The following EXT1 variants were observed in gnomAD, a reference collection of about 807,000 sequenced individuals.
The protein encoded by EXT1 is exostosin glycosyltransferase 1, also known as exostosin-1.
In EXT1, 20 loss-of-function variants were observed where a neutral mutation model predicts 82.5. That is an observed-to-expected ratio of 0.24 (90% confidence interval 0.17 to 0.35). EXT1 has a LOEUF of 0.35. Among genes scored for constraint, EXT1 ranks in the 10% least tolerant of loss-of-function variants. The pLI, the probability that EXT1 is intolerant of heterozygous loss-of-function variation, is 1.00. For synonymous variants in EXT1, 348 were observed against 350.8 expected, an observed-to-expected ratio of 0.99 and a Z score of 0.09; for missense variants, 757 against 936.5, an observed-to-expected ratio of 0.81 and a Z score of 2.50.
intron 8 of EXT1, 84 bp downstream of exon 8, chr8:117,812,788 C>A (rs183882957): frequency 3.2e-6 from 4 of 1,245,590 alleles, no homozygotes; most frequent in Non-Finnish European, 4.7e-6. Context: ...TGCCAAGGCA[C>A]GGCTAAAAGA....
At chr8:118,060,020 C>G (rs1442044484) in intron 1 of EXT1, among the ~76,000 whole-genome samples, 1 of 152,154 alleles carries the variant, frequency 6.6e-6, no homozygotes, top group African/African-American at 2.4e-5. Flanking sequence ...CACACTGAAC[C>G]TCTAAAAATC....
chr8:117,806,491 AG>A (rs1295251117), intron 9 of EXT1, among the ~76,000 whole-genome samples: 6 of 152,214 alleles, frequency 3.9e-5, no homozygotes, highest in Admixed American at 1.3e-4. Context: ...ATGGACATCA[AG>A]GTCGTGCATC....
chr8:117,819,728 T>C lies in EXT1; in HGVS notation c.1484A>G (p.Gln495Arg). 1 of 1,613,224 alleles carries C rather than the reference T, an allele frequency of 6.2e-7. No individual in the cohort carries two copies. The highest frequency in any genetic ancestry group is 8.5e-7 in the Non-Finnish European group (1 of 1,180,032). The change falls in exon 6 of 11, where the codon CAG becomes CGG. Residue 495 changes from glutamine (Q) to arginine (R), a missense_variant. Gln to Arg is a conservative substitution (Grantham distance 43). Around this residue, in one of 4 missense-constraint regions of EXT1, gnomAD observed 207 missense variants for 224.2 expected, o/e 0.92. Transcript: ENST00000378204. ...AGCCACGAGAAGCTTCAACACTGGC[T>C]GGGACTGAGAGACCAGGGGGGTCAC... The part of the protein sequence containing the change: ...HAVTPLVSQS[Q>R]PVLKLLVAAA...
chr8:117,891,805 C>CTTTTTTTTTTTTT (rs33967253), intron 1 of EXT1, among the ~76,000 whole-genome samples: 1 of 121,074 alleles, frequency 8.3e-6, no homozygotes, highest in Non-Finnish European at 1.7e-5. Flanking sequence ...TTTTTTCTTG[C>CTTTTTTTTTTTTT]TTTTTTTTTT....
intron 1 of EXT1, among the ~76,000 whole-genome samples, chr8:118,022,558 G>A (rs1375997084): frequency 6.7e-6 from 1 of 149,986 alleles, no homozygotes; most frequent in Non-Finnish European, 1.5e-5. Flanking sequence ...GGCTGGTCTC[G>A]AACTCCTGAC....
chr8:118,110,734 C>G lies in EXT1; in HGVS notation c.313G>C (p.Asp105His), dbSNP rs2130044286. 1 of 1,614,126 alleles carries G rather than the reference C, an allele frequency of 6.2e-7. No individual in the cohort carries two copies. The highest frequency in any genetic ancestry group is 1.6e-4 in the Middle Eastern group (1 of 6,062). Residue 105 changes from aspartate to histidine, a missense_variant, in exon 1 of 11, where the codon GAT (aspartate) becomes CAT (histidine). Asp to His is a moderately conservative substitution (Grantham distance 81, BLOSUM62 -1). Transcript: ENST00000378204. ...CCGTTTTTCTTGCAAAGGGTGAAAT[C>G]GAAGCAGGACTCCATGCGGCACTTC... is the stretch of plus-strand genomic sequence containing the variant. Reference protein sequence around the residue: ...GKKCRMESCFDFTLCKKNGFK... With the variant: ...GKKCRMESCFHFTLCKKNGFK...
chr8:117,951,741 G>A (rs1563611142), intron 1 of EXT1, among the ~76,000 whole-genome samples: 1 of 152,126 alleles, frequency 6.6e-6, no homozygotes, highest in African/African-American at 2.4e-5. Flanking sequence ...AGGTCTATAA[G>A]CTACAACCCA....
chr8:117,882,284 T>A (rs550461583), intron 1 of EXT1, among the ~76,000 whole-genome samples: 1 of 152,136 alleles, frequency 6.6e-6, no homozygotes, highest in Non-Finnish European at 1.5e-5. Context: ...GGTTTTACCA[T>A]GTTGGCCAGG....
intron 1 of EXT1, among the ~76,000 whole-genome samples, chr8:117,844,275 C>CAGGTGGGA (rs1812319215): frequency 6.6e-6 from 1 of 151,944 alleles, no homozygotes; most frequent in African/African-American, 2.4e-5. Context: ...GTCTCAGCCT[C>CAGGTGGGA]CTGAGTAGGT....
At chr8:117,876,392 G>T (rs1812969754) in intron 1 of EXT1, among the ~76,000 whole-genome samples, 1 of 152,194 alleles carries the variant, frequency 6.6e-6, no homozygotes, top group Non-Finnish European at 1.5e-5. Flanking sequence ...ATTTATTTCA[G>T]AAACACCCAA....
At chr8:117,917,192 G>C (rs1407793348) in intron 1 of EXT1, among the ~76,000 whole-genome samples, 5 of 152,104 alleles carry the variant, frequency 3.3e-5, no homozygotes, top group Admixed American at 6.5e-5. Flanking sequence ...CCTTCATCCT[G>C]GCTGGGCGCT....
intron 1 of EXT1, among the ~76,000 whole-genome samples, chr8:117,979,841 G>A (rs1021058688): frequency 2.0e-5 from 3 of 152,210 alleles, no homozygotes; most frequent in Admixed American, 6.5e-5. Context: ...CCTTTAGTGA[G>A]TGACAGAGAA....
intron 1 of EXT1, among the ~76,000 whole-genome samples, chr8:118,055,032 C>G (rs1052544277): frequency 2.6e-5 from 4 of 151,942 alleles, no homozygotes; most frequent in African/African-American, 9.7e-5. Flanking sequence ...CATTGGTAAA[C>G]TGTATATTTT....
intron 1 of EXT1, among the ~76,000 whole-genome samples, chr8:117,950,156 G>A (rs183276599): frequency 2.0e-5 from 3 of 152,286 alleles, no homozygotes; most frequent in East Asian, 1.9e-4. Context: ...CATGAGAATC[G>A]CTTGAACTTG....
intron 1 of EXT1, among the ~76,000 whole-genome samples, chr8:118,108,757 GA>G (rs1307500624): frequency 6.6e-6 from 1 of 152,146 alleles, no homozygotes; most frequent in African/African-American, 2.4e-5. Flanking sequence ...CCTAGTGTCT[GA>G]AAAAATGCAC....
intron 1 of EXT1, among the ~76,000 whole-genome samples, chr8:117,932,165 TG>T (rs577783910): frequency 2.4e-4 from 37 of 152,240 alleles, no homozygotes; most frequent in African/African-American, 8.7e-4. Context: ...TTGAGGTTTT[TG>T]GGGGGGTGCT....
At chr8:118,077,099 C>T (rs1817227140) in intron 1 of EXT1, among the ~76,000 whole-genome samples, 1 of 152,040 alleles carries the variant, frequency 6.6e-6, no homozygotes. Flanking sequence ...ATAACATAAA[C>T]AAATGATTCT....
chr8:117,986,380 G>A (rs1055205398), intron 1 of EXT1, among the ~76,000 whole-genome samples: 2 of 152,122 alleles, frequency 1.3e-5, no homozygotes, highest in South Asian at 2.1e-4. Flanking sequence ...TAGCAGAGAG[G>A]GGTTTTGACA....
In EXT1 at chr8:117,830,996, T is replaced by C. The variant is rs189612940; in HGVS notation, c.1165-647A>G. The stretch of plus-strand genomic sequence containing the variant: ...TGCTCTCTTCCAGGGTATACAATTT[T>C]AAAGGAAGGACCTATATCTTGTTAT... On this transcript the variant is annotated intron_variant, in intron 3 of 10. Coordinates refer to ENST00000378204, the MANE Select transcript of EXT1 (RefSeq NM_000127.3). Among the ~76,000 whole-genome samples the C allele has an allele frequency of 7.2e-4, 110 of 152,330 alleles. 1 individual carries two copies. Among genetic ancestry groups the C allele is most frequent in the African/African-American group, 2.6e-3 (110 of 41,570 alleles).
Sources: gnomAD v4.1 joint callset for allele counts (sites outside exome capture counted in the v4.1 genomes callset) on GRCh38, gnomAD v4.1.1 for gene constraint, gnomAD v4.1.1 regional missense constraint, MANE v1.5 for transcripts, NCBI Gene and HGNC (gene_info 2026-07-23, HGNC 2026-07-21) for gene names.